ACKR3: variants seen among roughly 807,000 people sequenced by gnomAD.
The protein encoded by ACKR3 is C-X-C chemokine receptor type 7.
ACKR3 carries 6 observed loss-of-function variants against 22.4 expected under a neutral mutation model. That is an observed-to-expected ratio of 0.27 (90% CI 0.15 to 0.53). The LOEUF (loss-of-function observed/expected upper bound fraction) is 0.53, where lower values mean the gene tolerates loss of function less well. Ranked by LOEUF, ACKR3 falls within the 20% of genes least tolerant of loss-of-function variation. The probability of loss-of-function intolerance (pLI) is 0.96; values close to 1 mark genes in which losing one functional copy is unlikely to be tolerated. For missense variants in ACKR3, 396 were observed against 475.2 expected (o/e 0.83, Z 1.55); for synonymous variants, 209 against 205.2 (o/e 1.02, Z -0.16).
At chr2:236,540,831 T>A in the ACKR3 span, among the ~76,000 whole-genome samples, 1 of 152,244 alleles carries the variant, frequency 6.6e-6, no homozygotes, top group African/African-American at 2.4e-5. Flanking sequence ...CTAGGGTCTA[T>A]CCTGCTCCAT....
At chr2:236,545,762 A>G in the ACKR3 span, among the ~76,000 whole-genome samples, 1 of 152,208 alleles carries the variant, frequency 6.6e-6, no homozygotes, top group Non-Finnish European at 1.5e-5. This position sits in a 1 kb window ranked among gnomAD's most constrained non-coding sequence, Gnocchi z 5.3. Context: ...TACAGTTCTT[A>G]TGGGGAGAGC....
the ACKR3 span, among the ~76,000 whole-genome samples, chr2:236,542,377 C>T: frequency 6.6e-6 from 1 of 152,118 alleles, no homozygotes; most frequent in African/African-American, 2.4e-5. Context: ...GGTAGGGAGG[C>T]AAGGTAGCAG....
chr2:236,581,980 T>C lies in ACKR3; in HGVS notation c.*426T>C, dbSNP rs984980905. ...TTGTTTGGGAGGCATAGTGCTGACA[T>C]ATATTCAGAGTGTTGTAGTTTTAAG... On this transcript the variant is annotated 3_prime_UTR_variant, in exon 2 of 2. Coordinates refer to ENST00000272928, the MANE Select transcript of ACKR3 (RefSeq NM_020311.3). The surrounding 1 kb of genome is among the most constrained non-coding windows in gnomAD (Gnocchi z 4.4). The C allele has an allele frequency of 1.8e-5, 3 of 168,158 alleles. No homozygotes were observed. The highest frequency in any genetic ancestry group is 4.3e-5 in the Non-Finnish European group (3 of 69,202). The allele number at this position is 168,158 out of a possible 1,614,324, so 10.4% of individuals were successfully genotyped here.
At chr2:236,553,236 C>G in the ACKR3 span, among the ~76,000 whole-genome samples, 50 of 152,230 alleles carry the variant, frequency 3.3e-4, no homozygotes, top group African/African-American at 1.2e-3. Context: ...AATCCCACTC[C>G]GAAGCCAGAG....
At chr2:236,566,977 TC>T (rs1284329178), upstream of ACKR3, among the ~76,000 whole-genome samples, 1 of 150,414 alleles carries the variant, frequency 6.6e-6, no homozygotes, top group East Asian at 2.1e-4. Context: ...CTTCTTTCCT[TC>T]CTTCCTACCT....
chr2:236,580,486 C>G lies in ACKR3; in HGVS notation c.21C>G (p.Asp7Glu). The change falls in exon 2 of 2, where the codon GAC (aspartate) becomes GAG (glutamate). Residue 7 changes from aspartate (D) to glutamate (E), a missense_variant. Coordinates refer to ENST00000272928, the MANE Select transcript of ACKR3 (RefSeq NM_020311.3). MDLHLF[D>E]YSEPGNFSDI... Reference sequence around the variant, plus strand: ...GAACGATGGATCTGCATCTCTTCGACTACTCAGAGCCAGGGAACTTCTCGG... The same window carrying G: ...GAACGATGGATCTGCATCTCTTCGAGTACTCAGAGCCAGGGAACTTCTCGG... The G allele has an allele frequency of 6.2e-7, 1 of 1,612,480 alleles. No individual in the cohort carries two copies. Among genetic ancestry groups the G allele is most frequent in the South Asian group, 1.1e-5 (1 of 91,056 alleles).
the ACKR3 span, among the ~76,000 whole-genome samples, chr2:236,541,968 T>C: frequency 3.3e-5 from 5 of 152,110 alleles, no homozygotes; most frequent in African/African-American, 1.2e-4. Flanking sequence ...TTTTTCCTTA[T>C]AAATTACACA....
rs567424239 is a variant in ACKR3 at position 236,574,227 on chromosome 2, C to T, written c.-27+4303C>T. On this transcript the variant is annotated intron_variant, in intron 1 of 1. Coordinates refer to ENST00000272928, the MANE Select transcript of ACKR3 (RefSeq NM_020311.3). The surrounding 1 kb of genome is among the most constrained non-coding windows in gnomAD (Gnocchi z 5.6). ...CGGTGACGATTTCAGAAAAGTCTCT[C>T]CTGGACGCCCGTCTCCGCTGCTGGC... Among the ~76,000 whole-genome samples the T allele has an allele frequency of 6.6e-6, 1 of 152,222 alleles. No homozygotes were observed. Among genetic ancestry groups the T allele is most frequent in the East Asian group, 1.9e-4 (1 of 5,186 alleles).
At chr2:236,572,338 A>C (rs1350395494) in intron 1 of ACKR3, among the ~76,000 whole-genome samples, 1 of 152,204 alleles carries the variant, frequency 6.6e-6, no homozygotes, top group Non-Finnish European at 1.5e-5. Flanking sequence ...TGTTCCAGGC[A>C]CTGAAAAAGT....
At chr2:236,542,953 G>T in the ACKR3 span, among the ~76,000 whole-genome samples, 7 of 85,036 alleles carry the variant, frequency 8.2e-5, no homozygotes, top group East Asian at 1.7e-3. Flanking sequence ...TTCTATATGC[G>T]GGCCCTGTGA....
At chr2:236,554,648 GCA>G in the ACKR3 span, among the ~76,000 whole-genome samples, 2 of 152,174 alleles carry the variant, frequency 1.3e-5, no homozygotes, top group Non-Finnish European at 2.9e-5. Flanking sequence ...CTCATTAGAG[GCA>G]CCCAGCGCAA....
chr2:236,564,154 G>GT (rs1559468973), upstream of ACKR3, among the ~76,000 whole-genome samples: 1 of 152,166 alleles, frequency 6.6e-6, no homozygotes, highest in African/African-American at 2.4e-5. Flanking sequence ...CAGAGGCCAA[G>GT]CTTCACTTCA....
chr2:236,539,972 A>G, the ACKR3 span, among the ~76,000 whole-genome samples: 9 of 152,250 alleles, frequency 5.9e-5, no homozygotes, highest in Non-Finnish European at 1.3e-4. Flanking sequence ...AACTGCTCCC[A>G]TGATTCAACT....
the ACKR3 span, among the ~76,000 whole-genome samples, chr2:236,547,000 C>T: frequency 6.6e-6 from 1 of 152,250 alleles, no homozygotes; most frequent in African/African-American, 2.4e-5. This position sits in a 1 kb window ranked among gnomAD's most constrained non-coding sequence, Gnocchi z 4.9. Flanking sequence ...TACATCCTCT[C>T]TTGTCGGGCT....
intron 1 of ACKR3, among the ~76,000 whole-genome samples, chr2:236,575,983 C>A (rs570000378): frequency 6.6e-6 from 1 of 152,168 alleles, no homozygotes; most frequent in African/African-American, 2.4e-5. Context: ...TTGTTCTGCA[C>A]CCCCTCCCCT....
the ACKR3 span, among the ~76,000 whole-genome samples, chr2:236,540,599 A>G: frequency 2.6e-5 from 4 of 152,150 alleles, no homozygotes; most frequent in Non-Finnish European, 1.5e-5. Context: ...CAGAACATTT[A>G]TTTCCTTATA....
chr2:236,578,190 G>A (rs1106167), intron 1 of ACKR3, among the ~76,000 whole-genome samples: 51,842 of 152,078 alleles, frequency 0.34, 11,182 homozygotes, highest in African/African-American at 0.61. Flanking sequence ...TTCAAGGCAC[G>A]GCCTGGGGTT....
At chr2:236,555,062 G>C in the ACKR3 span, among the ~76,000 whole-genome samples, 1 of 152,324 alleles carries the variant, frequency 6.6e-6, no homozygotes, top group East Asian at 1.9e-4. Flanking sequence ...CTCATGCTGA[G>C]GCATCCACAG....
the ACKR3 span, among the ~76,000 whole-genome samples, chr2:236,544,508 G>A: frequency 1.3e-5 from 2 of 152,104 alleles, no homozygotes; most frequent in Non-Finnish European, 2.9e-5. This position sits in a 1 kb window ranked among gnomAD's most constrained non-coding sequence, Gnocchi z 5.0. Context: ...TGCCAGGGCT[G>A]GGGGGCTGCT....
Sources: allele counts gnomAD v4.1 joint callset (sites outside exome capture counted in the v4.1 genomes callset), GRCh38; gene constraint gnomAD v4.1.1; non-coding constraint Gnocchi (gnomAD v3.1); transcripts MANE v1.5; gene names NCBI Gene and HGNC (gene_info 2026-07-23, HGNC 2026-07-21).